The following KCNK10 variants were observed in gnomAD, a reference collection of about 807,000 sequenced individuals.
The protein encoded by KCNK10 is potassium channel subfamily K member 10.
KCNK10 carries 25 observed loss-of-function variants against 47.7 expected under a neutral mutation model. The ratio of observed to expected loss-of-function variants is 0.52; its 90% CI spans 0.38 to 0.73. KCNK10 has a LOEUF of 0.73. KCNK10 is among the 30% of genes least tolerant of loss of function. KCNK10 has a pLI of 0.00. For missense variants in KCNK10, 563 were observed against 714.5 expected (o/e 0.79, Z 2.42); for synonymous variants, 303 against 285.6 (o/e 1.06, Z -0.61).
At chr14:88,286,969 T>G (rs419640) in intron 1 of KCNK10, among the ~76,000 whole-genome samples, 1 of 152,234 alleles carries the variant, frequency 6.6e-6, no homozygotes, top group Non-Finnish European at 1.5e-5. Context: ...ACATTAAAAT[T>G]GCTCATTTAT....
intron 1 of KCNK10, among the ~76,000 whole-genome samples, chr14:88,267,086 C>T (rs1887278462): frequency 6.6e-6 from 1 of 152,212 alleles, no homozygotes; most frequent in African/African-American, 2.4e-5. Flanking sequence ...GAAACTGTCA[C>T]TTAGTTTCTC....
chr14:88,225,255 G>A (rs1322930049), intron 4 of KCNK10, among the ~76,000 whole-genome samples: 2 of 152,168 alleles, frequency 1.3e-5, no homozygotes, highest in Admixed American at 6.5e-5. Flanking sequence ...CCTGGAATTC[G>A]GTCACCCTTT....
chr14:88,180,901 A>G lies in KCNK10; in HGVS notation c.*4634T>C. 1 of 398,666 alleles carries G rather than the reference A, an allele frequency of 2.5e-6. No individual in the cohort carries two copies. The allele number at this position is 398,666 out of a possible 1,614,324, so 24.7% of individuals were successfully genotyped here. A position where few individuals can be genotyped will look rare whatever the true frequency, so the allele number is the denominator to read the frequency against. ...AACAGCATCCACAATGCCACACTAA[A>G]GTGATCTTTGTTTCAGAGAGTTACC... On this transcript the variant is annotated 3_prime_UTR_variant, in exon 7 of 7. Transcript: ENST00000319231.
chr14:88,245,420 G>A (rs1886605787), intron 2 of KCNK10, among the ~76,000 whole-genome samples: 2 of 152,106 alleles, frequency 1.3e-5, no homozygotes, highest in South Asian at 4.1e-4. Context: ...TAGCTGATGC[G>A]CTTAGAAAGA....
chr14:88,302,449 C>A (rs12882421), intron 1 of KCNK10, among the ~76,000 whole-genome samples: 82,026 of 152,042 alleles, frequency 0.54, 25,151 homozygotes, highest in Non-Finnish European at 0.69. Context: ...GTGGCTTATG[C>A]CTGTAATCCC....
Position 88,185,641 on chromosome 14 carries a change from A to G in KCNK10, c.1526T>C (p.Leu509Pro). 1.2e-6 allele frequency: 2 copies of G among 1,614,224 alleles called. No homozygotes were observed. Among genetic ancestry groups the G allele is most frequent in the Non-Finnish European group, 8.5e-7 (1 of 1,180,044 alleles). ...CNSDNSSTAM[L>P]TDCIQQHAEL... ...AGCGTGCTGCTGGATACAGTCCGTCAGCATGGCTGTGCTGGAGTTGTCTGA... is the reference window on the plus strand; with the variant it reads ...AGCGTGCTGCTGGATACAGTCCGTCGGCATGGCTGTGCTGGAGTTGTCTGA... Residue 509 changes from leucine (L) to proline (P), a missense_variant, in exon 7 of 7, where the codon CTG becomes CCG. Transcript: ENST00000319231. This position sits in a 1 kb window ranked among gnomAD's most constrained non-coding sequence, Gnocchi z 4.3.
chr14:88,202,295 C>T lies in KCNK10; in HGVS notation c.682-9885G>A, dbSNP rs117776833. On this transcript the variant is annotated intron_variant, in intron 4 of 6. Transcript: ENST00000319231. ...TGACCAAACAGAGCTAATGTGATCA[C>T]AGGGCATGTCCACGTCAGAGGATCC... 9.4e-3 allele frequency among the ~76,000 whole-genome samples: 1,426 copies of T among 152,326 alleles called. 9 individuals are homozygous for T. The highest frequency in any genetic ancestry group is 0.015 in the Non-Finnish European group (999 of 68,032).
At chr14:88,304,516 G>A (rs548820913) in intron 1 of KCNK10, among the ~76,000 whole-genome samples, 49 of 152,326 alleles carry the variant, frequency 3.2e-4, no homozygotes, top group African/African-American at 1.1e-3. Context: ...ACACAGCAGT[G>A]AAAAAAGTTT....
At chr14:88,202,032 A>G (rs1480993428) in intron 4 of KCNK10, among the ~76,000 whole-genome samples, 1 of 152,240 alleles carries the variant, frequency 6.6e-6, no homozygotes. Context: ...TTGCTCCTGC[A>G]AAGTGTTTAG....
At chr14:88,272,608 C>A (rs555568199) in intron 1 of KCNK10, among the ~76,000 whole-genome samples, 2 of 152,182 alleles carry the variant, frequency 1.3e-5, no homozygotes, top group East Asian at 3.9e-4. Flanking sequence ...GCTGCAAAGA[C>A]AAGCAGAGGA....
At chr14:88,285,301 G>A (rs572943784) in intron 1 of KCNK10, among the ~76,000 whole-genome samples, 65 of 152,198 alleles carry the variant, frequency 4.3e-4, no homozygotes, top group African/African-American at 1.5e-3. Context: ...TAGTAGAGAT[G>A]GGGTTTCGCC....
At chr14:88,256,942 A>G (rs1361894541) in intron 2 of KCNK10, among the ~76,000 whole-genome samples, 1 of 152,196 alleles carries the variant, frequency 6.6e-6, no homozygotes, top group Non-Finnish European at 1.5e-5. Flanking sequence ...GGCCGGGGCA[A>G]CATGATATTT....
At chr14:88,225,823 T>C (rs1193366802) in intron 4 of KCNK10, among the ~76,000 whole-genome samples, 1 of 152,174 alleles carries the variant, frequency 6.6e-6, no homozygotes, top group Non-Finnish European at 1.5e-5. Context: ...TCAAAAGAGT[T>C]CTTGGAGACA....
chr14:88,246,563 GT>G (rs1886649006), intron 2 of KCNK10, among the ~76,000 whole-genome samples: 2 of 152,246 alleles, frequency 1.3e-5, no homozygotes, highest in Admixed American at 1.3e-4. Flanking sequence ...AGCCACACAA[GT>G]GAATCTTCCA....
chr14:88,321,064 G>A (rs1333761500), intron 1 of KCNK10, among the ~76,000 whole-genome samples: 2 of 152,156 alleles, frequency 1.3e-5, no homozygotes, highest in Middle Eastern at 3.2e-3. Context: ...AAAATGAAAG[G>A]TTTGTGCTGT....
upstream of KCNK10, among the ~76,000 whole-genome samples, chr14:88,323,981 G>T (rs1372263164): frequency 6.6e-6 from 1 of 152,148 alleles, no homozygotes; most frequent in South Asian, 2.1e-4. Context: ...CGCTCTCCCC[G>T]CCCGGGGAAG....
chr14:88,212,128 A>ATG (rs1255381458), intron 4 of KCNK10, among the ~76,000 whole-genome samples: 1 of 66,638 alleles, frequency 1.5e-5, no homozygotes, highest in Admixed American at 1.7e-4. Context: ...ATATATATAT[A>ATG]TATCGAGAGA....
intron 2 of KCNK10, among the ~76,000 whole-genome samples, chr14:88,261,269 T>C (rs1001312510): frequency 2.0e-5 from 3 of 152,240 alleles, no homozygotes; most frequent in Admixed American, 6.5e-5. Flanking sequence ...CAGGTTATTA[T>C]GACGTGTCTT....
intron 4 of KCNK10, among the ~76,000 whole-genome samples, chr14:88,212,131 T>TATATATATATATATATATATATAG (rs1566687352): frequency 1.2e-5 from 1 of 86,512 alleles, no homozygotes; most frequent in Non-Finnish European, 2.7e-5. Context: ...TATATATATA[T>TATATATATATATATATATATATAG]CGAGAGAGAG....
Sources: allele counts gnomAD v4.1 joint callset (sites outside exome capture counted in the v4.1 genomes callset), GRCh38; gene constraint gnomAD v4.1.1; non-coding constraint Gnocchi (gnomAD v3.1); transcripts MANE v1.5; gene names NCBI Gene and HGNC (gene_info 2026-07-23, HGNC 2026-07-21).